Variants in HVCN1 observed in about 807,000 individuals in gnomAD.
The protein encoded by HVCN1 is hydrogen voltage gated channel 1.
HVCN1 carries 14 observed loss-of-function variants against 29.2 expected under a neutral mutation model. The ratio of observed to expected loss-of-function variants is 0.48; its 90% CI spans 0.32 to 0.75. HVCN1 has a LOEUF of 0.75. HVCN1 is among the 30% of genes least tolerant of loss of function. The probability of loss-of-function intolerance (pLI) is 0.04; values close to 1 mark genes in which losing one functional copy is unlikely to be tolerated. For missense variants in HVCN1, 263 were observed against 341.8 expected (o/e 0.77, Z 1.82); for synonymous variants, 131 against 133.2 (o/e 0.98, Z 0.11).
intron 3 of HVCN1, among the ~76,000 whole-genome samples, chr12:110,673,339 A>T (rs962569653): frequency 6.6e-5 from 10 of 152,238 alleles, no homozygotes; most frequent in African/African-American, 2.4e-4. Flanking sequence ...GAAATTTCTA[A>T]GCAGCAAAGC....
At chr12:110,662,142 T>A (rs1435309300) in intron 3 of HVCN1, among the ~76,000 whole-genome samples, 4 of 152,118 alleles carry the variant, frequency 2.6e-5, no homozygotes, top group Admixed American at 2.0e-4. Flanking sequence ...GAGAGCCCAA[T>A]GTCCCTGAGG....
rs1015301752 is a variant in HVCN1 at position 110,649,336 on chromosome 12, G to T, written c.*74C>A. ...AAACCTCTCACCAAGCGGCCCAGGA[G>T]GGGCAGCTGTTCCTCTCGTGACAGC... is the stretch of plus-strand genomic sequence containing the variant. On this transcript the variant is annotated 3_prime_UTR_variant, in exon 8 of 8. Transcript: ENST00000242607. 1.6e-5 allele frequency: 20 copies of T among 1,224,828 alleles called. No individual in the cohort carries two copies. The highest frequency in any genetic ancestry group is 2.0e-5 in the Non-Finnish European group (17 of 838,940). 75.9% of individuals were successfully genotyped at this position (1,224,828 alleles called of 1,614,324 possible).
intron 2 of HVCN1, among the ~76,000 whole-genome samples, chr12:110,697,450 A>G (rs2069510231): frequency 6.6e-6 from 1 of 152,120 alleles, no homozygotes; most frequent in Non-Finnish European, 1.5e-5. Flanking sequence ...AAGTGGTGTC[A>G]GATGGAAACT....
intron 1 of HVCN1, among the ~76,000 whole-genome samples, chr12:110,703,354 C>T (rs955122753): frequency 6.6e-6 from 1 of 151,228 alleles, no homozygotes; most frequent in Non-Finnish European, 1.5e-5. Flanking sequence ...CCACCACTGC[C>T]CTCCAGCTTA....
At chr12:110,674,538 A>G (rs926146194) in intron 3 of HVCN1, among the ~76,000 whole-genome samples, 1 of 152,286 alleles carries the variant, frequency 6.6e-6, no homozygotes. Flanking sequence ...AACTTGAATT[A>G]TATCTTCCAG....
chr12:110,690,636 C>A (rs1334572640), upstream of HVCN1, among the ~76,000 whole-genome samples: 2 of 152,072 alleles, frequency 1.3e-5, no homozygotes, highest in Non-Finnish European at 2.9e-5. Context: ...CATCACCATG[C>A]CTGACTAATT....
upstream of HVCN1, chr12:110,689,583 T>TC (rs1215500143): frequency 4.6e-5 from 7 of 152,748 alleles, no homozygotes. The surrounding 1 kb of genome is among the most constrained non-coding windows in gnomAD (Gnocchi z 5.7). Flanking sequence ...CTTGGCCTCG[T>TC]CCCCTGCACA....
At chr12:110,684,862 C>T (rs1450744701) in intron 2 of HVCN1, among the ~76,000 whole-genome samples, 1 of 152,194 alleles carries the variant, frequency 6.6e-6, no homozygotes, top group Non-Finnish European at 1.5e-5. Flanking sequence ...GACCCTCTGA[C>T]CAGTTTCCTA....
chr12:110,695,371 T>TACACACAC (rs59165683), intron 2 of HVCN1, among the ~76,000 whole-genome samples: 2 of 147,966 alleles, frequency 1.4e-5, no homozygotes, highest in African/African-American at 5.0e-5. Context: ...TTATTTTGTG[T>TACACACAC]ACACACACAC....
intron 2 of HVCN1, among the ~76,000 whole-genome samples, chr12:110,683,908 C>T (rs140621009): frequency 1.1e-5 from 1 of 90,654 alleles, no homozygotes; most frequent in Non-Finnish European, 2.0e-5. Flanking sequence ...AAGACTCTAT[C>T]TAAAAAAAAA....
chr12:110,662,631 G>A (rs1469456077), intron 3 of HVCN1, among the ~76,000 whole-genome samples: 1 of 152,192 alleles, frequency 6.6e-6, no homozygotes, highest in African/African-American at 2.4e-5. Context: ...CTTGAAGCTG[G>A]GAGGCGTGGG....
chr12:110,671,270 G>C lies in HVCN1; in HGVS notation c.22-9822C>G, dbSNP rs370726359. On this transcript the variant is annotated intron_variant, in intron 3 of 7. Coordinates refer to ENST00000242607, the MANE Select transcript of HVCN1 (RefSeq NM_032369.4). ...TGAACTCGAGAGGCTGCAGTGAGCC[G>C]AGATCATGCCATTGCACTCCAGCCT... 9.2e-5 allele frequency among the ~76,000 whole-genome samples: 14 copies of C among 152,266 alleles called. No homozygotes were observed. In the East Asian group the frequency reaches 1.9e-3, roughly 21 times the overall value.
intron 7 of HVCN1, among the ~76,000 whole-genome samples, chr12:110,649,902 AT>A (rs2067714854): frequency 6.6e-6 from 1 of 152,016 alleles, no homozygotes; most frequent in African/African-American, 2.4e-5. Flanking sequence ...CTGGAGTGCA[AT>A]GGCGCGATCT....
chr12:110,693,402 G>A (rs1405345236), upstream of HVCN1, among the ~76,000 whole-genome samples: 1 of 152,040 alleles, frequency 6.6e-6, no homozygotes, highest in Non-Finnish European at 1.5e-5. Flanking sequence ...AAATTAGCCG[G>A]GTGTGGTAGC....
At chr12:110,651,510 C>A in intron 5 of HVCN1, 62 bp from the exon 6 acceptor site, 1 of 1,042,042 alleles carries the variant, frequency 9.6e-7, no homozygotes, top group East Asian at 2.4e-5. Context: ...AAGCTGCCCT[C>A]ACATGCACCT....
intron 5 of HVCN1, among the ~76,000 whole-genome samples, chr12:110,654,023 G>A (rs1336579552): frequency 1.3e-5 from 2 of 152,306 alleles, no homozygotes; most frequent in Admixed American, 6.5e-5. Context: ...GTGTGCGTCC[G>A]TGGGGATGTA....
Position 110,661,595 on chromosome 12 carries a change from T to G in HVCN1, c.22-147A>C. Reference sequence around the variant, plus strand: ...GCAGAGACCATGAGGTCACGGTGGTTTCTCGTGCTTTTATTTTTGGAATCC... The same window carrying G: ...GCAGAGACCATGAGGTCACGGTGGTGTCTCGTGCTTTTATTTTTGGAATCC... On this transcript the variant is annotated intron_variant, in intron 3 of 7. Transcript: ENST00000242607. The surrounding 1 kb of genome is among the most constrained non-coding windows in gnomAD (Gnocchi z 6.2). 1.4e-6 allele frequency: 1 copy of G among 698,010 alleles called. No individual in the cohort carries two copies. The highest frequency in any genetic ancestry group is 2.4e-6 in the Non-Finnish European group (1 of 423,966). The allele number at this position is 698,010 out of a possible 1,614,324, so 43.2% of individuals were successfully genotyped here.
chr12:110,692,816 T>G (rs2069431734), upstream of HVCN1, among the ~76,000 whole-genome samples: 1 of 152,088 alleles, frequency 6.6e-6, no homozygotes, highest in Non-Finnish European at 1.5e-5. Context: ...TTAACTTGGG[T>G]GGGAAAAAAA....
At chr12:110,686,129 G>C (rs2069173065) in intron 2 of HVCN1, among the ~76,000 whole-genome samples, 1 of 151,956 alleles carries the variant, frequency 6.6e-6, no homozygotes, top group Non-Finnish European at 1.5e-5. Flanking sequence ...CTCCTGAGTA[G>C]CTGGGATTAT....
Sources: allele counts gnomAD v4.1 joint callset (sites outside exome capture counted in the v4.1 genomes callset), GRCh38; gene constraint gnomAD v4.1.1; non-coding constraint Gnocchi (gnomAD v3.1); transcripts MANE v1.5; gene names NCBI Gene and HGNC (gene_info 2026-07-23, HGNC 2026-07-21).